The following THSD1 variants were observed in gnomAD, a reference collection of about 807,000 sequenced individuals.
The protein encoded by THSD1 is thrombospondin type-1 domain-containing protein 1.
Under a neutral mutation model 46.3 loss-of-function variants are expected in THSD1, and 34 were observed. The ratio of observed to expected loss-of-function variants is 0.74; its 90% CI spans 0.56 to 0.98. The LOEUF is 0.98. Ranked by LOEUF, THSD1 falls within the 50% of genes least tolerant of loss-of-function variation. THSD1 has a pLI of 0.00. For missense variants in THSD1, 1,023 were observed against 1,058.3 expected, an observed-to-expected ratio of 0.97 and a Z score of 0.46; for synonymous variants, 407 against 416.5, an observed-to-expected ratio of 0.98 and a Z score of 0.28.
In THSD1 at chr13:52,378,511, C is replaced by G. The variant is rs1957659291; in HGVS notation, c.1459G>C (p.Gly487Arg). ...SFSDGGDGPT[G>R]SPGDTGIPLT... Reference sequence around the variant, plus strand: ...GGGATGCCTGTGTCCCCTGGACTCCCCGTGGGCCCGTCTCCCCCATCCGAG... The same window carrying G: ...GGGATGCCTGTGTCCCCTGGACTCCGCGTGGGCCCGTCTCCCCCATCCGAG... The change falls in exon 5 of 5, where the codon GGG (glycine) becomes CGG (arginine). Residue 487 changes from glycine to arginine, a missense_variant. Physicochemically the swap from Gly to Arg is moderately radical, Grantham distance 125 (BLOSUM62 -2). Transcript: ENST00000258613. The G allele has an allele frequency of 5.0e-6, 8 of 1,614,174 alleles. No homozygotes were observed. Among genetic ancestry groups the G allele is most frequent in the Non-Finnish European group, 5.9e-6 (7 of 1,180,032 alleles).
chr13:52,388,978 T>C (rs76951061), intron 3 of THSD1, among the ~76,000 whole-genome samples: 6 of 151,916 alleles, frequency 3.9e-5, no homozygotes, highest in African/African-American at 1.5e-4. Context: ...TTTTTTTTTT[T>C]TGAGACAGAT....
intron 1 of THSD1, among the ~76,000 whole-genome samples, chr13:52,404,844 T>G (rs1256009197): frequency 6.6e-6 from 1 of 152,196 alleles, no homozygotes; most frequent in Non-Finnish European, 1.5e-5. Flanking sequence ...TATAACACAT[T>G]TTCTTTCTTA....
intron 1 of THSD1, among the ~76,000 whole-genome samples, chr13:52,405,774 T>A (rs927868812): frequency 6.6e-6 from 1 of 152,200 alleles, no homozygotes; most frequent in Non-Finnish European, 1.5e-5. Flanking sequence ...CTGTGGCCAG[T>A]CTCAGTCACT....
chr13:52,404,831 GATTAT>G (rs1341391030), intron 1 of THSD1, among the ~76,000 whole-genome samples: 2 of 152,142 alleles, frequency 1.3e-5, no homozygotes, highest in Non-Finnish European at 2.9e-5. Context: ...CTGATTTAGT[GATTAT>G]AACACATTTT....
At position 52,400,572 on chromosome 13, in the gene THSD1, C is replaced by T. The variant is rs556090837; in HGVS notation, c.58+1971G>A. Among the ~76,000 whole-genome samples the T allele has an allele frequency of 6.0e-4, 91 of 152,100 alleles. 1 individual carries two copies. Among genetic ancestry groups the T allele is most frequent in the African/African-American group, 2.1e-3 (88 of 41,502 alleles). On this transcript the variant is annotated intron_variant, in intron 2 of 4. Coordinates refer to ENST00000258613, the MANE Select transcript of THSD1 (RefSeq NM_018676.4). ...GAGATTGCACCATTGCACTCCAACCCGGGCCGACAACAGCGAGACTCCATC... is the reference window on the plus strand; with the variant it reads ...GAGATTGCACCATTGCACTCCAACCTGGGCCGACAACAGCGAGACTCCATC...
At chr13:52,395,956 G>A (rs1219930273) in intron 3 of THSD1, among the ~76,000 whole-genome samples, 1 of 152,198 alleles carries the variant, frequency 6.6e-6, no homozygotes. Flanking sequence ...CAGATGGCTG[G>A]ATACAGGCAG....
chr13:52,403,091 G>A, intron 1 of THSD1: 1 of 447,922 alleles, frequency 2.2e-6, no homozygotes, highest in Non-Finnish European at 3.0e-6. Context: ...CTTTAATTTA[G>A]CATTGTGCTG....
chr13:52,396,086 A>G (rs1452793023), intron 3 of THSD1, among the ~76,000 whole-genome samples: 1 of 152,168 alleles, frequency 6.6e-6, no homozygotes, highest in Non-Finnish European at 1.5e-5. Flanking sequence ...AAGGAAGTGC[A>G]AGGAGGGAAG....
At position 52,378,634 on chromosome 13, in the gene THSD1, T is replaced by A. The variant is rs1329947035; in HGVS notation, c.1336A>T (p.Ser446Cys). Residue 446 changes from serine to cysteine, a missense_variant, in exon 5 of 5, where the codon AGC (serine) becomes TGC (cysteine). Around this residue, in one of 3 missense-constraint regions of THSD1, gnomAD observed 578 missense variants for 497.4 expected, o/e 1.16. Coordinates refer to ENST00000258613, the MANE Select transcript of THSD1 (RefSeq NM_018676.4). ...ATGGAGTTGTGTCGAGCAGGTGTGC[T>A]GCACTTGGCTGGCCGGCCGAACCTC... ...WRRFGRPAKC[S>C]TPARHNSIHS... 6 of 1,614,090 alleles carry A rather than the reference T, an allele frequency of 3.7e-6. No individual in the cohort carries two copies. Among genetic ancestry groups the A allele is most frequent in the Non-Finnish European group, 4.2e-6 (5 of 1,180,028 alleles).
chr13:52,395,466 G>A (rs1223961411), intron 3 of THSD1, among the ~76,000 whole-genome samples: 2 of 152,136 alleles, frequency 1.3e-5, no homozygotes, highest in Non-Finnish European at 2.9e-5. Context: ...ACAAGGATGA[G>A]TCTTAGTCCA....
At chr13:52,382,155 C>T (rs1164438062) in intron 4 of THSD1, among the ~76,000 whole-genome samples, 1 of 152,204 alleles carries the variant, frequency 6.6e-6, no homozygotes, top group Admixed American at 6.5e-5. Context: ...GGCTGTCCCA[C>T]GACCTCCATC....
In THSD1 at chr13:52,378,568, T is replaced by C. The variant is rs530238635; in HGVS notation, c.1402A>G (p.Ile468Val). ...CCGCGCTGCTCGCTCAGCTCGCAGA[T>C]ATTCTCCTCGTCCGAGTTCTTCCGG... The part of the protein sequence containing the change: ...SFRKNSDEEN[I>V]CELSEQRGSF... The change falls in exon 5 of 5, where the codon ATC (isoleucine) becomes GTC (valine). Residue 468 changes from isoleucine to valine, a missense_variant. Physicochemically the swap from Ile to Val is conservative, Grantham distance 29. Coordinates refer to ENST00000258613, the MANE Select transcript of THSD1 (RefSeq NM_018676.4). The C allele has an allele frequency of 6.2e-7, 1 of 1,614,140 alleles. No homozygotes were observed. Among genetic ancestry groups the C allele is most frequent in the Admixed American group, 1.7e-5 (1 of 60,024 alleles).
intron 4 of THSD1, chr13:52,384,331 A>T (rs950724762): frequency 1.8e-5 from 8 of 454,692 alleles, no homozygotes; most frequent in African/African-American, 1.4e-4. Context: ...TTCAAGATCG[A>T]TAGCTTAGCA....
intron 2 of THSD1, among the ~76,000 whole-genome samples, chr13:52,399,537 A>G (rs1048034709): frequency 5.9e-5 from 9 of 152,188 alleles, no homozygotes; most frequent in Non-Finnish European, 1.3e-4. Context: ...TATGCAATCA[A>G]TGATTATTAG....
intron 1 of THSD1, among the ~76,000 whole-genome samples, chr13:52,405,007 CCTTG>C (rs1957896124): frequency 1.3e-5 from 2 of 152,264 alleles, no homozygotes; most frequent in South Asian, 2.1e-4. Context: ...TTTCTTTCTA[CCTTG>C]CTTATTTTCT....
Position 52,397,864 on chromosome 13 carries a change from A to G in THSD1, c.389T>C (p.Phe130Ser). 6.2e-7 allele frequency: 1 copy of G among 1,614,264 alleles called. No individual in the cohort carries two copies. Among genetic ancestry groups the G allele is most frequent in the Non-Finnish European group, 8.5e-7 (1 of 1,180,054 alleles). ...SAFLKVEWPV[F>S]HVDLNRSAKA... Reference sequence around the variant, plus strand: ...GGCACTCCTATTCAAGTCAACGTGAAAGACAGGCCATTCCACCTTCAGAAA... The same window carrying G: ...GGCACTCCTATTCAAGTCAACGTGAGAGACAGGCCATTCCACCTTCAGAAA... The change falls in exon 3 of 5, where the codon TTT becomes TCT. Residue 130 changes from phenylalanine to serine, a missense_variant. Phe to Ser is a radical substitution (Grantham distance 155). Around this residue, in one of 3 missense-constraint regions of THSD1, gnomAD observed 429 missense variants for 518.3 expected, o/e 0.83. Coordinates refer to ENST00000258613, the MANE Select transcript of THSD1 (RefSeq NM_018676.4).
rs79524816 is a variant in THSD1 at position 52,392,822 on chromosome 13, A to G, written c.1021+4410T>C. ...AAGGGAGTAGCTATAAGCAGTAGGA[A>G]GAGCAGTAGCACCTGGGATAAGCAG... On this transcript the variant is annotated intron_variant, in intron 3 of 4. Coordinates refer to ENST00000258613, the MANE Select transcript of THSD1 (RefSeq NM_018676.4). Among the ~76,000 whole-genome samples, 88 of 152,370 alleles carry G rather than the reference A, an allele frequency of 5.8e-4. 3 individuals are homozygous for G. In the East Asian group the frequency reaches 0.014, roughly 25 times the overall value.
chr13:52,380,029 CT>C (rs930642120), intron 4 of THSD1, among the ~76,000 whole-genome samples: 8 of 152,164 alleles, frequency 5.3e-5, no homozygotes, highest in Non-Finnish European at 1.2e-4. Flanking sequence ...GTTAAAGCCT[CT>C]GCATTCTCTC....
At chr13:52,396,593 A>T (rs1052544566) in intron 3 of THSD1, among the ~76,000 whole-genome samples, 1 of 152,218 alleles carries the variant, frequency 6.6e-6, no homozygotes, top group African/African-American at 2.4e-5. Context: ...AAACTACTTA[A>T]TAAGACCAGA....
Sources: gnomAD v4.1 joint callset for allele counts (sites outside exome capture counted in the v4.1 genomes callset) on GRCh38, gnomAD v4.1.1 for gene constraint, gnomAD v4.1.1 regional missense constraint, MANE v1.5 for transcripts, NCBI Gene and HGNC (gene_info 2026-07-23, HGNC 2026-07-21) for gene names.